The following RANBP2 variants were observed in gnomAD, a reference collection of about 807,000 sequenced individuals.
RANBP2 encodes RAN binding protein 2, also known as E3 SUMO-protein ligase RanBP2.
RANBP2 carries 57 observed loss-of-function variants against 303.6 expected under a neutral mutation model. That is an observed-to-expected ratio of 0.19 (90% CI 0.15 to 0.23). RANBP2 has a LOEUF of 0.23. Ranked by LOEUF, RANBP2 falls within the 10% of genes least tolerant of loss-of-function variation. RANBP2 has a pLI of 1.00. For synonymous variants in RANBP2, 1,167 were observed against 1,301.5 expected, an observed-to-expected ratio of 0.90 and a Z score of 2.23; for missense variants, 3,138 against 3,780.8, an observed-to-expected ratio of 0.83 and a Z score of 4.46.
chr2:109,255,384 C>G, the RANBP2 span, among the ~76,000 whole-genome samples: 3 of 152,080 alleles, frequency 2.0e-5, no homozygotes, highest in Admixed American at 2.0e-4. Flanking sequence ...TTAACTTTAC[C>G]ACCACCAGGG....
the RANBP2 span, among the ~76,000 whole-genome samples, chr2:109,343,136 G>A: frequency 6.6e-6 from 1 of 152,094 alleles, no homozygotes; most frequent in Non-Finnish European, 1.5e-5. Flanking sequence ...GGACATAGAG[G>A]CCTCCAGGTT....
At chr2:109,113,143 T>C in the RANBP2 span, among the ~76,000 whole-genome samples, 2 of 152,110 alleles carry the variant, frequency 1.3e-5, no homozygotes, top group East Asian at 3.9e-4. Context: ...ATGTGAACTT[T>C]AAAGTAGTTT....
the RANBP2 span, among the ~76,000 whole-genome samples, chr2:109,090,229 C>T: frequency 6.6e-6 from 1 of 151,716 alleles, no homozygotes; most frequent in Admixed American, 6.6e-5. Context: ...TCCTTATGCT[C>T]ATCTTGGTGC....
the RANBP2 span, among the ~76,000 whole-genome samples, chr2:108,829,773 G>A: frequency 8.2e-4 from 125 of 152,222 alleles, no homozygotes; most frequent in Non-Finnish European, 1.5e-3. Context: ...ATATACATAC[G>A]TACATACAAG....
chr2:109,302,279 T>TC, the RANBP2 span, among the ~76,000 whole-genome samples: 159 of 152,040 alleles, frequency 1.0e-3, no homozygotes, highest in Middle Eastern at 6.8e-3. Flanking sequence ...GGGGCATTTT[T>TC]TTGTGACTGT....
the RANBP2 span, among the ~76,000 whole-genome samples, chr2:109,017,935 G>A: frequency 0.011 from 1,721 of 152,270 alleles, 16 homozygotes; most frequent in South Asian, 0.025. Context: ...TAATGCACTG[G>A]TATTTTACCT....
the RANBP2 span, among the ~76,000 whole-genome samples, chr2:109,158,638 C>T: frequency 6.6e-6 from 1 of 152,298 alleles, no homozygotes; most frequent in East Asian, 1.9e-4. Context: ...CTTGAGGGAT[C>T]TAAGTCGTGA....
chr2:109,019,918 A>G, the RANBP2 span, among the ~76,000 whole-genome samples: 1 of 152,206 alleles, frequency 6.6e-6, no homozygotes, highest in Admixed American at 6.5e-5. Flanking sequence ...CACCTAAATC[A>G]GCACAGCCAG....
chr2:109,320,371 G>A, the RANBP2 span, among the ~76,000 whole-genome samples: 1 of 152,182 alleles, frequency 6.6e-6, no homozygotes, highest in Admixed American at 6.5e-5. Context: ...CTGAGCAGCA[G>A]GTACAACGTT....
the RANBP2 span, among the ~76,000 whole-genome samples, chr2:108,990,198 G>A: frequency 6.6e-5 from 10 of 152,100 alleles, no homozygotes; most frequent in South Asian, 2.1e-4. Context: ...TTGGGAGGCC[G>A]AGGCGGGTGG....
At chr2:109,206,053 C>T in the RANBP2 span, among the ~76,000 whole-genome samples, 1 of 152,286 alleles carries the variant, frequency 6.6e-6, no homozygotes, top group East Asian at 1.9e-4. Context: ...CCTGAGATGC[C>T]TTTCCAGCCT....
chr2:108,782,849 A>C lies in RANBP2; in HGVS notation c.9356A>C (p.Asp3119Ala). Reference sequence around the variant, plus strand: ...TCCATTTTTCACAGAGTAATTCCAGATTTTGTTTGCCAAGTAGGTATTATT... The same window carrying C: ...TCCATTTTTCACAGAGTAATTCCAGCTTTTGTTTGCCAAGTAGGTATTATT... ...KNSIFHRVIP[D>A]FVCQGGDITK... is the part of the protein sequence containing the mutation. Residue 3119 changes from aspartate (D) to alanine (A), a missense_variant, in exon 28 of 29, where the codon GAT becomes GCT. Transcript: ENST00000283195. 1 of 1,613,230 alleles carries C rather than the reference A, an allele frequency of 6.2e-7. No homozygotes were observed. The highest frequency in any genetic ancestry group is 8.5e-7 in the Non-Finnish European group (1 of 1,179,812).
At chr2:109,559,053 T>A in the RANBP2 span, among the ~76,000 whole-genome samples, 1 of 152,096 alleles carries the variant, frequency 6.6e-6, no homozygotes, top group African/African-American at 2.4e-5. Flanking sequence ...ACCCGGCTAA[T>A]TTTTGTATTT....
chr2:109,274,004 GT>G, the RANBP2 span, among the ~76,000 whole-genome samples: 1 of 152,164 alleles, frequency 6.6e-6, no homozygotes, highest in African/African-American at 2.4e-5. Flanking sequence ...ACTTACCATA[GT>G]TCTGGGCTTA....
At chr2:109,000,846 A>G in the RANBP2 span, among the ~76,000 whole-genome samples, 1 of 152,120 alleles carries the variant, frequency 6.6e-6, no homozygotes, top group South Asian at 2.1e-4. Flanking sequence ...AGGATGAGGA[A>G]TATGTCCCAG....
At chr2:109,240,001 C>G in the RANBP2 span, among the ~76,000 whole-genome samples, 10 of 152,312 alleles carry the variant, frequency 6.6e-5, no homozygotes, top group East Asian at 1.9e-3. Flanking sequence ...TGCTTGCTGG[C>G]TCATGATAGA....
the RANBP2 span, among the ~76,000 whole-genome samples, chr2:109,434,268 G>A: frequency 6.6e-6 from 1 of 152,208 alleles, no homozygotes; most frequent in African/African-American, 2.4e-5. Context: ...TCTGTCACAC[G>A]CCCTACTGTT....
At chr2:108,786,993 C>T, downstream of RANBP2, 1 of 1,009,350 alleles carries the variant, frequency 9.9e-7, no homozygotes, top group Non-Finnish European at 1.3e-6. Context: ...CGCAGCCGGC[C>T]TGGGGGCGCG....
At chr2:109,552,882 C>T in the RANBP2 span, 28 of 560,830 alleles carry the variant, frequency 5.0e-5, no homozygotes, top group Admixed American at 1.0e-4. Flanking sequence ...AAATGTACTG[C>T]TTTAAAAAAA....
Sources: allele counts gnomAD v4.1 joint callset (sites outside exome capture counted in the v4.1 genomes callset), GRCh38; gene constraint gnomAD v4.1.1; transcripts MANE v1.5; gene names NCBI Gene and HGNC (gene_info 2026-07-23, HGNC 2026-07-21).